MEI4: variants seen among roughly 807,000 people sequenced by gnomAD.
MEI4 encodes meiosis-specific protein MEI4.
Under a neutral mutation model 31.4 loss-of-function variants are expected in MEI4, and 27 were observed. The ratio of observed to expected loss-of-function variants is 0.86; its 90% CI spans 0.63 to 1.19. MEI4 has a LOEUF of 1.19. Among genes scored for constraint, MEI4 ranks in the 50% most tolerant of loss-of-function variants. The pLI, the probability that MEI4 is intolerant of heterozygous loss-of-function variation, is 0.00. For missense variants in MEI4, 329 were observed against 398.9 expected (o/e 0.82, Z 1.49); for synonymous variants, 122 against 145.4 (o/e 0.84, Z 1.16).
intron 4 of MEI4, among the ~76,000 whole-genome samples, chr6:77,871,121 G>T (rs1771179800): frequency 6.6e-6 from 1 of 152,026 alleles, no homozygotes; most frequent in Non-Finnish European, 1.5e-5. Flanking sequence ...TTCTACAGTT[G>T]GAGGTGACTT....
chr6:77,741,566 TG>T (rs1210660257), intron 2 of MEI4, among the ~76,000 whole-genome samples: 1 of 152,184 alleles, frequency 6.6e-6, no homozygotes, highest in Non-Finnish European at 1.5e-5. Context: ...GTCCACTTGA[TG>T]GGTCATGAAG....
chr6:77,911,775 G>C (rs527292040), intron 4 of MEI4, among the ~76,000 whole-genome samples: 2 of 149,650 alleles, frequency 1.3e-5, no homozygotes, highest in Non-Finnish European at 1.5e-5. Context: ...CCAGTCCACT[G>C]TTGATGGGCA....
rs141239958 is a variant in MEI4, at chr6:77,824,320, C to T, written c.769-4611C>T. On this transcript the variant is annotated intron_variant, in intron 3 of 4. Coordinates refer to ENST00000684080, the MANE Select transcript of MEI4 (RefSeq NM_001322247.2). Reference sequence around the variant, plus strand: ...TTCAACATGTTGGCCAGGCTGGTCTCGAACTCCTGACCTCAGGTGATCCAT... The same window carrying T: ...TTCAACATGTTGGCCAGGCTGGTCTTGAACTCCTGACCTCAGGTGATCCAT... 4.1e-4 allele frequency among the ~76,000 whole-genome samples: 63 copies of T among 152,160 alleles called. No individual in the cohort carries two copies. The East Asian group carries it at 4.8e-3, about 12-fold the overall frequency.
intron 1 of MEI4, among the ~76,000 whole-genome samples, chr6:77,666,227 A>C (rs924201193): frequency 4.6e-5 from 7 of 152,176 alleles, no homozygotes; most frequent in African/African-American, 1.4e-4. Flanking sequence ...GGAGAATTAC[A>C]AAGAACCTTC....
At chr6:77,653,699 GATGTAAGACA>G (rs545999713) in intron 1 of MEI4, among the ~76,000 whole-genome samples, 79 of 152,140 alleles carry the variant, frequency 5.2e-4, no homozygotes, top group Non-Finnish European at 9.6e-4. Flanking sequence ...TCAAAAGATA[GATGTAAGACA>G]ACGTTAACAT....
chr6:77,738,989 T>C (rs949169817), intron 2 of MEI4, among the ~76,000 whole-genome samples: 6 of 152,236 alleles, frequency 3.9e-5, no homozygotes, highest in Non-Finnish European at 5.9e-5. Context: ...AGTAGATCTT[T>C]GTCAGATGGG....
intron 2 of MEI4, among the ~76,000 whole-genome samples, chr6:77,733,501 A>G (rs1024511325): frequency 6.6e-6 from 1 of 151,738 alleles, no homozygotes; most frequent in Non-Finnish European, 1.5e-5. Flanking sequence ...TATTGTGTCT[A>G]TTTGATTCTT....
chr6:77,772,329 A>G (rs1768338822), intron 3 of MEI4, among the ~76,000 whole-genome samples: 1 of 151,972 alleles, frequency 6.6e-6, no homozygotes, highest in Admixed American at 6.6e-5. Context: ...ACAAAAATCT[A>G]GCAAACCAAA....
intron 2 of MEI4, among the ~76,000 whole-genome samples, chr6:77,756,688 TTCTC>T (rs1271876173): frequency 6.7e-6 from 1 of 150,330 alleles, no homozygotes; most frequent in African/African-American, 2.4e-5. Flanking sequence ...CGCCTTCTCC[TTCTC>T]TCTATTTCTA....
At chr6:77,711,859 CAT>C (rs1453116500) in intron 2 of MEI4, among the ~76,000 whole-genome samples, 1 of 152,144 alleles carries the variant, frequency 6.6e-6, no homozygotes, top group Non-Finnish European at 1.5e-5. Flanking sequence ...CTTTTGTTAT[CAT>C]ATGTGGCTTA....
chr6:77,814,380 G>T (rs1357533462), intron 3 of MEI4, among the ~76,000 whole-genome samples: 2 of 149,318 alleles, frequency 1.3e-5, no homozygotes, highest in Non-Finnish European at 3.0e-5. Flanking sequence ...GCAAAAGGAA[G>T]AATTGTTAAC....
chr6:77,815,235 T>C (rs773892646), intron 3 of MEI4, among the ~76,000 whole-genome samples: 1 of 152,128 alleles, frequency 6.6e-6, no homozygotes, highest in Non-Finnish European at 1.5e-5. Context: ...AGGGTTATAT[T>C]GCTTATCACT....
At chr6:77,737,021 G>A (rs1172179667) in intron 2 of MEI4, among the ~76,000 whole-genome samples, 2 of 152,148 alleles carry the variant, frequency 1.3e-5, no homozygotes, top group African/African-American at 4.8e-5. Flanking sequence ...AGAGCATGAG[G>A]AGGTGTTCTA....
rs143940367 is a variant in MEI4, at chr6:77,653,198, C to G, written c.-15+106C>G. Among the ~76,000 whole-genome samples the G allele has an allele frequency of 1.3e-3, 193 of 152,268 alleles. 1 individual carries two copies. The highest frequency in any genetic ancestry group is 4.0e-3 in the African/African-American group (166 of 41,550). On this transcript the variant is annotated intron_variant, in intron 1 of 4. Coordinates refer to ENST00000684080, the MANE Select transcript of MEI4 (RefSeq NM_001322247.2). ...AGGCTTCGCAAGGATCTTTCTCAAG[C>G]CAGTTATTTCTGCATTATGGTGGCT...
At chr6:77,898,259 T>C (rs1278579582) in intron 4 of MEI4, among the ~76,000 whole-genome samples, 1 of 152,042 alleles carries the variant, frequency 6.6e-6, no homozygotes, top group Non-Finnish European at 1.5e-5. Flanking sequence ...TAAAATTGAC[T>C]GCCTTCTTTA....
intron 2 of MEI4, among the ~76,000 whole-genome samples, chr6:77,738,217 T>G (rs2127671676): frequency 6.6e-6 from 1 of 152,300 alleles, no homozygotes; most frequent in Admixed American, 6.5e-5. Context: ...TGTCAAATAG[T>G]TTAGAGCCAA....
intron 1 of MEI4, among the ~76,000 whole-genome samples, chr6:77,687,957 A>G (rs1338034319): frequency 1.3e-5 from 2 of 152,076 alleles, no homozygotes; most frequent in Non-Finnish European, 2.9e-5. Flanking sequence ...TGGGACTGAA[A>G]GTTCCAAGCT....
chr6:77,716,378 G>A (rs1766582787), intron 2 of MEI4, among the ~76,000 whole-genome samples: 1 of 152,162 alleles, frequency 6.6e-6, no homozygotes, highest in African/African-American at 2.4e-5. Context: ...AATATGGTTA[G>A]AGGAGTTATT....
chr6:77,694,984 G>T (rs1004542406), intron 2 of MEI4, among the ~76,000 whole-genome samples: 2 of 151,596 alleles, frequency 1.3e-5, no homozygotes, highest in African/African-American at 4.8e-5. Context: ...ATCTCATTGT[G>T]GTTTTGATTT....
Sources: allele counts gnomAD v4.1 joint callset (sites outside exome capture counted in the v4.1 genomes callset), GRCh38; gene constraint gnomAD v4.1.1; transcripts MANE v1.5; gene names NCBI Gene and HGNC (gene_info 2026-07-23, HGNC 2026-07-21).